The following SERGEF variants were observed in gnomAD, a reference collection of about 807,000 sequenced individuals.
SERGEF encodes secretion-regulating guanine nucleotide exchange factor.
A neutral mutation model predicts 50.0 loss-of-function variants in SERGEF; 51 were observed. That is an observed-to-expected ratio of 1.02 (90% CI 0.81 to 1.29). SERGEF has a LOEUF of 1.29. Ranked by LOEUF, SERGEF falls within the 50% of genes most tolerant of loss-of-function variation. SERGEF has a pLI of 0.00. For missense variants in SERGEF, 521 were observed against 557.0 expected (o/e 0.94, Z 0.65); for synonymous variants, 205 against 212.4 (o/e 0.97, Z 0.30).
At chr11:17,824,558 G>T (rs1311975750) in intron 10 of SERGEF, among the ~76,000 whole-genome samples, 1 of 152,180 alleles carries the variant, frequency 6.6e-6, no homozygotes, top group Non-Finnish European at 1.5e-5. Context: ...ACCACAGACT[G>T]GGTAGCTGAA....
At chr11:17,882,318 C>G (rs1171327126) in intron 9 of SERGEF, among the ~76,000 whole-genome samples, 5 of 149,472 alleles carry the variant, frequency 3.3e-5, no homozygotes, top group Non-Finnish European at 5.9e-5. Context: ...GCTCAGGAGG[C>G]TGAGGCAGAA....
chr11:17,867,814 C>G (rs1321210621), intron 10 of SERGEF, among the ~76,000 whole-genome samples: 1 of 152,202 alleles, frequency 6.6e-6, no homozygotes, highest in African/African-American at 2.4e-5. Context: ...AGGCTCGACA[C>G]CATGTGGAAG....
rs139670641 is a variant in SERGEF, at chr11:17,863,024, T to A, written c.1048+15184A>T. On this transcript the variant is annotated intron_variant, in intron 10 of 10. Coordinates refer to ENST00000265965, the MANE Select transcript of SERGEF (RefSeq NM_012139.4). ...TGCTTGATATGCTAATTAACCTAAG[T>A]CAAACCTCTGCAGGGAGCAGCACAA... Among the ~76,000 whole-genome samples, 63 of 152,266 alleles carry A rather than the reference T, an allele frequency of 4.1e-4. No homozygotes were observed. The East Asian group carries it at 0.012, about 28-fold the overall frequency.
At chr11:18,011,630 T>C (rs570574828) in intron 1 of SERGEF, among the ~76,000 whole-genome samples, 7 of 152,296 alleles carry the variant, frequency 4.6e-5, no homozygotes, top group Admixed American at 2.6e-4. Context: ...AAAAACACAC[T>C]ACCAGTCCTC....
At chr11:17,875,147 C>G (rs562989959) in intron 10 of SERGEF, among the ~76,000 whole-genome samples, 8 of 152,288 alleles carry the variant, frequency 5.3e-5, no homozygotes, top group African/African-American at 1.9e-4. Context: ...AGTGCCTGAG[C>G]TCTTCTTAAC....
intron 10 of SERGEF, among the ~76,000 whole-genome samples, chr11:17,801,988 T>C (rs145423876): frequency 3.5e-4 from 54 of 152,294 alleles, no homozygotes; most frequent in African/African-American, 1.2e-3. Flanking sequence ...AAACACATAA[T>C]ATTTGAAAGG....
intron 10 of SERGEF, among the ~76,000 whole-genome samples, chr11:17,795,746 C>T (rs1382531714): frequency 6.6e-6 from 1 of 152,214 alleles, no homozygotes; most frequent in African/African-American, 2.4e-5. Context: ...GTGCTGCACA[C>T]AAGACCCAGA....
chr11:17,876,171 A>G (rs1050080274), intron 10 of SERGEF, among the ~76,000 whole-genome samples: 3 of 152,196 alleles, frequency 2.0e-5, no homozygotes, highest in South Asian at 2.1e-4. Flanking sequence ...AGGCAGGTAC[A>G]TATGTGCAGA....
chr11:17,807,114 T>C (rs1849773472), intron 10 of SERGEF, among the ~76,000 whole-genome samples: 1 of 152,200 alleles, frequency 6.6e-6, no homozygotes, highest in Admixed American at 6.5e-5. Flanking sequence ...GGCTCCCCTG[T>C]CTCCACAACT....
intron 9 of SERGEF, among the ~76,000 whole-genome samples, chr11:17,899,516 C>T (rs1335837210): frequency 6.6e-6 from 1 of 152,134 alleles, no homozygotes; most frequent in Admixed American, 6.5e-5. Context: ...AAAGGTGTAC[C>T]TATTAATATA....
At chr11:17,890,953 A>G (rs947801255) in intron 9 of SERGEF, among the ~76,000 whole-genome samples, 3 of 152,130 alleles carry the variant, frequency 2.0e-5, no homozygotes, top group Non-Finnish European at 4.4e-5. Context: ...AAATAATGAT[A>G]CTCATTGGAA....
In SERGEF at chr11:17,968,744, T is replaced by C. The variant is rs151201595; in HGVS notation, c.845-9108A>G. ...AAAAAGACAAAACTCCCTCCCATCA[T>C]GGAGCTTAAATCTAATGAGGGGAAA... On this transcript the variant is annotated intron_variant, in intron 8 of 10. Transcript: ENST00000265965. Among the ~76,000 whole-genome samples, 899 of 148,812 alleles carry C rather than the reference T, an allele frequency of 6.0e-3. 14 individuals carry two copies. Among genetic ancestry groups the C allele is most frequent in the African/African-American group, 0.021 (835 of 40,650 alleles).
At chr11:17,882,994 G>A (rs1851363427) in intron 9 of SERGEF, among the ~76,000 whole-genome samples, 1 of 152,234 alleles carries the variant, frequency 6.6e-6, no homozygotes, top group Non-Finnish European at 1.5e-5. Flanking sequence ...AACTCCCCAA[G>A]GGTAAGGGGT....
chr11:17,829,896 T>C (rs1452688070), intron 10 of SERGEF, among the ~76,000 whole-genome samples: 3 of 152,132 alleles, frequency 2.0e-5, no homozygotes, highest in East Asian at 1.9e-4. Flanking sequence ...CACATAAACA[T>C]TGAGTTCCTG....
intron 9 of SERGEF, among the ~76,000 whole-genome samples, chr11:17,952,951 TTCC>T (rs1229566152): frequency 2.0e-5 from 3 of 152,132 alleles, no homozygotes; most frequent in Admixed American, 6.5e-5. Context: ...TTCCTCTGCT[TTCC>T]TCCTCAAGTT....
At chr11:17,803,212 G>C (rs1258611621) in intron 10 of SERGEF, among the ~76,000 whole-genome samples, 1 of 152,242 alleles carries the variant, frequency 6.6e-6, no homozygotes, top group Non-Finnish European at 1.5e-5. Context: ...TGCAGCCTCA[G>C]TTATGGAGGA....
chr11:17,943,085 T>G (rs1852590516), intron 9 of SERGEF, among the ~76,000 whole-genome samples: 1 of 117,312 alleles, frequency 8.5e-6, no homozygotes, highest in Non-Finnish European at 2.0e-5. Context: ...GGTATCAGAA[T>G]TATGCTGACT....
At chr11:17,798,749 A>T (rs78517949) in intron 10 of SERGEF, among the ~76,000 whole-genome samples, 1 of 152,246 alleles carries the variant, frequency 6.6e-6, no homozygotes, top group African/African-American at 2.4e-5. Context: ...AGGGGGCAGA[A>T]AGAGAAACTA....
chr11:18,002,715 T>TA (rs1853991664), intron 4 of SERGEF, among the ~76,000 whole-genome samples: 1 of 152,234 alleles, frequency 6.6e-6, no homozygotes, highest in South Asian at 2.1e-4. Context: ...TTTATGTGCC[T>TA]ATCATGTCCT....
Sources: gnomAD v4.1 joint callset for allele counts (sites outside exome capture counted in the v4.1 genomes callset) on GRCh38, gnomAD v4.1.1 for gene constraint, MANE v1.5 for transcripts, NCBI Gene and HGNC (gene_info 2026-07-23, HGNC 2026-07-21) for gene names.